The following NAV3 variants were observed in gnomAD, a reference collection of about 807,000 sequenced individuals.
The protein encoded by NAV3 is neuron navigator 3, also known as pore membrane and/or filament interacting like protein 1.
A neutral mutation model predicts 244.7 loss-of-function variants in NAV3; 87 were observed. That is an observed-to-expected ratio of 0.36 (90% confidence interval 0.30 to 0.42). NAV3 has a LOEUF of 0.42. Ranked by LOEUF, NAV3 falls within the 20% of genes least tolerant of loss-of-function variation. The pLI is 1.00. For synonymous variants in NAV3, 1,126 were observed against 1,042.2 expected (o/e 1.08, Z -1.55); for missense variants, 2,663 against 2,893.3 (o/e 0.92, Z 1.83).
intron 2 of NAV3, among the ~76,000 whole-genome samples, chr12:77,661,301 T>C (rs533117466): frequency 8.5e-5 from 13 of 152,294 alleles, no homozygotes; most frequent in African/African-American, 2.9e-4. Context: ...ATCTTAATTT[T>C]GGTTTTAATT....
intron 2 of NAV3, among the ~76,000 whole-genome samples, chr12:77,810,784 A>G (rs1469622831): frequency 6.6e-6 from 1 of 152,176 alleles, no homozygotes; most frequent in African/African-American, 2.4e-5. Context: ...TTTCTGCCTA[A>G]CCACTTTAAA....
chr12:78,066,030 T>A (rs916018821), intron 12 of NAV3, among the ~76,000 whole-genome samples: 1 of 152,248 alleles, frequency 6.6e-6, no homozygotes, highest in East Asian at 1.9e-4. Flanking sequence ...GGTAAGGTCT[T>A]TGGGAAGTGA....
chr12:78,164,035 T>C (rs1194172752), intron 23 of NAV3, among the ~76,000 whole-genome samples: 2 of 152,220 alleles, frequency 1.3e-5, no homozygotes, highest in Non-Finnish European at 2.9e-5. Context: ...AGAAGGCCAG[T>C]TGAGAAAGGC....
chr12:77,970,920 G>A (rs1279893986), intron 5 of NAV3, among the ~76,000 whole-genome samples: 3 of 151,956 alleles, frequency 2.0e-5, no homozygotes, highest in Non-Finnish European at 2.9e-5. Flanking sequence ...ATTATTTTAC[G>A]TAAAGCATGT....
At chr12:78,021,686 C>A in intron 8 of NAV3, 61 bp from the exon 9 acceptor site, 5 of 1,148,010 alleles carry the variant, frequency 4.4e-6, no homozygotes, top group Non-Finnish European at 6.4e-6. Flanking sequence ...AGAACTTCCA[C>A]TTTGATGAGT....
intron 2 of NAV3, among the ~76,000 whole-genome samples, chr12:77,665,631 T>A (rs1873678665): frequency 6.6e-6 from 1 of 152,200 alleles, no homozygotes; most frequent in Admixed American, 6.5e-5. Context: ...GTTATAAATA[T>A]AAACTATTAA....
chr12:77,718,992 C>A (rs780372656), intron 2 of NAV3, among the ~76,000 whole-genome samples: 3 of 152,104 alleles, frequency 2.0e-5, no homozygotes, highest in Non-Finnish European at 4.4e-5. Context: ...TCGCTGATTT[C>A]TTTCAGCAAT....
chr12:77,587,800 A>G (rs768780902), intron 2 of NAV3, among the ~76,000 whole-genome samples: 11 of 152,224 alleles, frequency 7.2e-5, no homozygotes, highest in South Asian at 2.1e-4. Flanking sequence ...GAAGCATTCC[A>G]TGTAATAGTT....
chr12:78,001,073 T>C (rs1873217198), intron 7 of NAV3, among the ~76,000 whole-genome samples: 1 of 152,118 alleles, frequency 6.6e-6, no homozygotes. Context: ...AGATTTCTAG[T>C]TCTAGAATAA....
chr12:77,662,570 G>A (rs940995749), intron 2 of NAV3, among the ~76,000 whole-genome samples: 3 of 151,974 alleles, frequency 2.0e-5, no homozygotes, highest in Non-Finnish European at 4.4e-5. Context: ...AGATACCTGT[G>A]CCTAGTACTT....
At chr12:78,107,755 C>A (rs1467896843) in intron 12 of NAV3, among the ~76,000 whole-genome samples, 2 of 151,932 alleles carry the variant, frequency 1.3e-5, no homozygotes, top group Non-Finnish European at 2.9e-5. Context: ...CAAGGGAGGT[C>A]TGGAAACTAG....
intron 2 of NAV3, among the ~76,000 whole-genome samples, chr12:77,690,112 G>C (rs1874936457): frequency 6.6e-6 from 1 of 151,738 alleles, no homozygotes; most frequent in South Asian, 2.1e-4. Flanking sequence ...CAGGTCATCT[G>C]TATCAGAGTA....
intron 2 of NAV3, among the ~76,000 whole-genome samples, chr12:77,740,238 T>C (rs1305062835): frequency 6.6e-6 from 1 of 152,200 alleles, no homozygotes; most frequent in African/African-American, 2.4e-5. Context: ...CCAACTACTT[T>C]TCAGTTCCTA....
intron 1 of NAV3, among the ~76,000 whole-genome samples, chr12:77,882,204 G>A (rs773810539): frequency 6.6e-6 from 1 of 152,072 alleles, no homozygotes; most frequent in African/African-American, 2.4e-5. Flanking sequence ...AACCAAAACA[G>A]CATGATACTG....
At chr12:77,816,068 A>T (rs1212254123) in intron 2 of NAV3, among the ~76,000 whole-genome samples, 1 of 152,164 alleles carries the variant, frequency 6.6e-6, no homozygotes, top group Non-Finnish European at 1.5e-5. Context: ...AAGAAGCCTG[A>T]TGGGAAAAAA....
chr12:77,747,467 C>CAGTG (rs1002676572), intron 2 of NAV3, among the ~76,000 whole-genome samples: 13 of 152,156 alleles, frequency 8.5e-5, no homozygotes, highest in Admixed American at 5.2e-4. Flanking sequence ...TTGTGGAAGT[C>CAGTG]AGTGTGGTGA....
chr12:77,610,622 TA>T (rs1250100606), intron 2 of NAV3, among the ~76,000 whole-genome samples: 1 of 152,048 alleles, frequency 6.6e-6, no homozygotes, highest in African/African-American at 2.4e-5. Flanking sequence ...GGTTAAGATC[TA>T]ATTCTAGAGA....
Position 77,812,561 on chromosome 12 carries a change from C to T in NAV3, c.73-127758C>T, listed in dbSNP as rs1011868283. ...TTCCAAGTAGCTGGGATTACAGGCA[C>T]CTACCACTATGCCCGGCTAATTTTT... On this transcript the variant is annotated intron_variant, in intron 2 of 8. Coordinates refer to the NAV3 transcript ENST00000550042. 2.7e-5 allele frequency among the ~76,000 whole-genome samples: 4 copies of T among 150,814 alleles called. No homozygotes were observed. In the East Asian group the frequency reaches 8.0e-4, roughly 30 times the overall value.
At position 77,885,584 on chromosome 12, in the gene NAV3, T is replaced by G. The variant is rs188660739; in HGVS notation, c.243+53880T>G. ...AAGGAGTATTTTTGTGAATCAAAAATTTTAAGAAAATGTTCTGATCTTAAA... is the reference window on the plus strand; with the variant it reads ...AAGGAGTATTTTTGTGAATCAAAAAGTTTAAGAAAATGTTCTGATCTTAAA... On this transcript the variant is annotated intron_variant, in intron 1 of 39. Transcript: ENST00000397909. Among the ~76,000 whole-genome samples the G allele has an allele frequency of 6.0e-4, 92 of 152,266 alleles. No individual in the cohort carries two copies. The Middle Eastern group carries it at 0.02, about 34-fold the overall frequency.
Sources: gnomAD v4.1 joint callset for allele counts (sites outside exome capture counted in the v4.1 genomes callset) on GRCh38, gnomAD v4.1.1 for gene constraint, MANE v1.5 for transcripts, NCBI Gene and HGNC (gene_info 2026-07-23, HGNC 2026-07-21) for gene names.